Variants in METRN observed in about 807,000 individuals in gnomAD.
METRN encodes meteorin, glial cell differentiation regulator, also known as meteorin.
METRN carries 17 observed loss-of-function variants against 17.4 expected under a neutral mutation model. The ratio of observed to expected loss-of-function variants is 0.98; its 90% CI spans 0.67 to 1.46. The LOEUF (loss-of-function observed/expected upper bound fraction) is 1.46. Among genes scored for constraint, METRN ranks in the 40% most tolerant of loss-of-function variants. The pLI is 0.00. For synonymous variants in METRN, 230 were observed against 210.8 expected, an observed-to-expected ratio of 1.09 and a Z score of -0.79; for missense variants, 489 against 456.2, an observed-to-expected ratio of 1.07 and a Z score of -0.65.
Position 715,703 on chromosome 16 carries a change from G to C in METRN, c.224G>C (p.Arg75Thr), listed in dbSNP as rs2040154580. The C allele has an allele frequency of 2.9e-6, 4 of 1,392,024 alleles. No individual in the cohort carries two copies. Among genetic ancestry groups the C allele is most frequent in the Non-Finnish European group, 3.7e-6 (4 of 1,076,402 alleles). The allele number at this position is 1,392,024 out of a possible 1,614,324, so 86.2% of individuals were successfully genotyped here. A position where few individuals can be genotyped will look rare whatever the true frequency, so the allele number is the denominator to read the frequency against. ...LRLTLGGPDP[R>T]ARPGIACLRP... ...CTGACCCTGGGCGGCCCCGATCCCA[G>C]AGCGCGGCCCGGCATCGCCTGTCTG... is the stretch of plus-strand genomic sequence containing the variant. The change falls in exon 2 of 4, where the codon AGA (arginine) becomes ACA (threonine). Residue 75 changes from arginine (R) to threonine (T), a missense_variant. Coordinates refer to ENST00000568223, the MANE Select transcript of METRN (RefSeq NM_024042.4).
chr16:716,999 G>T lies in METRN; in HGVS notation c.565+7G>T. The T allele has an allele frequency of 6.2e-7, 1 of 1,608,828 alleles. No individual in the cohort carries two copies. Among genetic ancestry groups the T allele is most frequent in the Non-Finnish European group, 8.5e-7 (1 of 1,177,576 alleles). ...GCATGCACCAGCGACTTCGGTGAGTGTCCCCGCCATGGGGGGAGCCTGGAG... is the reference window on the plus strand; with the variant it reads ...GCATGCACCAGCGACTTCGGTGAGTTTCCCCGCCATGGGGGGAGCCTGGAG... On this transcript the variant is annotated splice_region_variant and intron_variant, in intron 3 of 3. Coordinates refer to ENST00000568223, the MANE Select transcript of METRN (RefSeq NM_024042.4).
At position 715,603 on chromosome 16, in the gene METRN, G is replaced by C. The variant is rs947867185; in HGVS notation, c.124G>C (p.Gly42Arg). ...WRGSGLTQEP[G>R]SVGQLALACA... ...CCCCAGCGGCCTCACCCAGGAGCCC[G>C]GCAGCGTGGGGCAGCTGGCCCTGGC... The change falls in exon 2 of 4, where the codon GGC (glycine) becomes CGC (arginine). Residue 42 changes from glycine (G) to arginine (R), a missense_variant. Coordinates refer to ENST00000568223, the MANE Select transcript of METRN (RefSeq NM_024042.4). The C allele has an allele frequency of 2.2e-6, 3 of 1,393,206 alleles. No homozygotes were observed. The highest frequency in any genetic ancestry group is 1.5e-5 in the African/African-American group (1 of 66,282). 86.3% of individuals were successfully genotyped at this position (1,393,206 alleles called of 1,614,324 possible).
chr16:715,206 C>A lies in METRN; in HGVS notation c.-84C>A. ...GGGGCCGGGCGGCCGGCGCCCCCGG[C>A]TGCTCCCGCCGCCGCCCGGACCCGC... On this transcript the variant is annotated 5_prime_UTR_variant, in exon 1 of 4. The change creates a new upstream start codon in the 5' untranslated region. Transcript: ENST00000568223. 1 of 619,926 alleles carries A rather than the reference C, an allele frequency of 1.6e-6. No homozygotes were observed. The allele number at this position is 619,926 out of a possible 1,614,324, so 38.4% of individuals were successfully genotyped here.
Position 715,992 on chromosome 16 carries a change from G to A in METRN, c.505+8G>A. 1.4e-6 allele frequency: 2 copies of A among 1,477,276 alleles called. No individual in the cohort carries two copies. The highest frequency in any genetic ancestry group is 1.8e-6 in the Non-Finnish European group (2 of 1,121,146). The allele number at this position is 1,477,276 out of a possible 1,614,324, so 91.5% of individuals were successfully genotyped here. Reference sequence around the variant, plus strand: ...ACGGTCTCGGCGTAGACGGTGAGTGGCGGTCTGGTTGGGACAGGGTGGGAG... The same window carrying A: ...ACGGTCTCGGCGTAGACGGTGAGTGACGGTCTGGTTGGGACAGGGTGGGAG... On this transcript the variant is annotated splice_region_variant and intron_variant, in intron 2 of 3. Coordinates refer to ENST00000568223, the MANE Select transcript of METRN (RefSeq NM_024042.4).
Position 717,295 on chromosome 16 carries a change from C to G in METRN, c.790C>G (p.Leu264Val). ...CTGGAGCCGCTTTGGGGAGGCCCGG[C>G]TGGGCTGTGCCCCACGATTCCAGGA... ...MGWSRFGEAR[L>V]GCAPRFQEFR... The change falls in exon 4 of 4, where the codon CTG (leucine) becomes GTG (valine). Residue 264 changes from leucine to valine, a missense_variant. By Grantham distance (32) the Leu-to-Val change is conservative. Transcript: ENST00000568223. 3 of 1,530,292 alleles carry G rather than the reference C, an allele frequency of 2.0e-6. No homozygotes were observed. Among genetic ancestry groups the G allele is most frequent in the Non-Finnish European group, 2.6e-6 (3 of 1,140,586 alleles). 94.8% of individuals were successfully genotyped at this position (1,530,292 alleles called of 1,614,324 possible).
rs765203363 is a variant in METRN, at chr16:718,257, A to C, written c.*870A>C. Reference sequence around the variant, plus strand: ...GGGACAGCCACAGCCCAAGGCTCCGAGGCTAAAAGCCCCTGGGTGGGGGTG... The same window carrying C: ...GGGACAGCCACAGCCCAAGGCTCCGCGGCTAAAAGCCCCTGGGTGGGGGTG... On this transcript the variant is annotated 3_prime_UTR_variant, in exon 4 of 4. Coordinates refer to ENST00000568223, the MANE Select transcript of METRN (RefSeq NM_024042.4). 1.3e-5 allele frequency: 2 copies of C among 152,278 alleles called. No individual in the cohort carries two copies. The highest frequency in any genetic ancestry group is 2.9e-5 in the Non-Finnish European group (2 of 68,064). The allele number at this position is 152,278 out of a possible 1,614,324, so 9.4% of individuals were successfully genotyped here. A position where few individuals can be genotyped will look rare whatever the true frequency, so the allele number is the denominator to read the frequency against.
At chr16:716,772 T>C in intron 2 of METRN, 161 bp from the exon 3 acceptor site, 2 of 1,532,176 alleles carry the variant, frequency 1.3e-6, no homozygotes, top group South Asian at 2.4e-5. Context: ...CGTGCACATC[T>C]GCTGTGTAGC....
Position 718,906 on chromosome 16 carries a change from G to A in METRN, c.*1519G>A, listed in dbSNP as rs2040183423. Reference sequence around the variant, plus strand: ...CCCTGACCACTCCCTGGGGCCCATAGCCTTACATCCATCTGCCCCCAGCCC... The same window carrying A: ...CCCTGACCACTCCCTGGGGCCCATAACCTTACATCCATCTGCCCCCAGCCC... On this transcript the variant is annotated 3_prime_UTR_variant, in exon 4 of 4. Transcript: ENST00000568223. The A allele has an allele frequency of 6.6e-6, 1 of 152,432 alleles. No individual in the cohort carries two copies. Among genetic ancestry groups the A allele is most frequent in the Admixed American group, 6.5e-5 (1 of 15,286 alleles). The allele number at this position is 152,432 out of a possible 1,614,324, so 9.4% of individuals were successfully genotyped here. A position where few individuals can be genotyped will look rare whatever the true frequency, so the allele number is the denominator to read the frequency against.
chr16:717,237 C>T lies in METRN; in HGVS notation c.732C>T (p.Val244=). ...TSIRTPLRCG[V]HPGPGTFLFM... is the part of the protein sequence containing the mutation. ...TTCGTACCCCACTGCGCTGTGGCGT[C>T]CACCCGGGCCCAGGCACCTTCCTCT... The change falls in exon 4 of 4, where the codon GTC becomes GTT. Residue 244 remains valine, a synonymous_variant. Transcript: ENST00000568223. The T allele has an allele frequency of 6.3e-7, 1 of 1,576,784 alleles. No homozygotes were observed. The highest frequency in any genetic ancestry group is 1.1e-5 in the South Asian group (1 of 87,354).
At position 717,288 on chromosome 16, in the gene METRN, G is replaced by T; in HGVS notation, c.783G>T (p.Glu261Asp). The T allele has an allele frequency of 6.5e-7, 1 of 1,533,558 alleles. No individual in the cohort carries two copies. 95.0% of individuals were successfully genotyped at this position (1,533,558 alleles called of 1,614,324 possible). A position where few individuals can be genotyped will look rare whatever the true frequency, so the allele number is the denominator to read the frequency against. ...TCATGGGCTGGAGCCGCTTTGGGGA[G>T]GCCCGGCTGGGCTGTGCCCCACGAT... ...FLFMGWSRFG[E>D]ARLGCAPRFQ... Residue 261 changes from glutamate to aspartate, a missense_variant, in exon 4 of 4, where the codon GAG becomes GAT. Coordinates refer to ENST00000568223, the MANE Select transcript of METRN (RefSeq NM_024042.4).
In METRN at chr16:717,678, T is replaced by G; in HGVS notation, c.*291T>G. The G allele has an allele frequency of 1.2e-4, 38 of 321,580 alleles. No individual in the cohort carries two copies. Among genetic ancestry groups the G allele is most frequent in the East Asian group, 2.6e-4 (5 of 19,586 alleles). 19.9% of individuals were successfully genotyped at this position (321,580 alleles called of 1,614,324 possible). A position where few individuals can be genotyped will look rare whatever the true frequency, so the allele number is the denominator to read the frequency against. Reference sequence around the variant, plus strand: ...CCACATTCCGGGGAGGGGCCGCTGCTGGGTGGGGGGCACGTGGGGACCTGC... The same window carrying G: ...CCACATTCCGGGGAGGGGCCGCTGCGGGGTGGGGGGCACGTGGGGACCTGC... On this transcript the variant is annotated 3_prime_UTR_variant, in exon 4 of 4. Coordinates refer to ENST00000568223, the MANE Select transcript of METRN (RefSeq NM_024042.4).
At chr16:716,876 C>T in intron 2 of METRN, 57 bp from the exon 3 acceptor site, 1 of 1,506,462 alleles carries the variant, frequency 6.6e-7, no homozygotes, top group Non-Finnish European at 8.9e-7. Flanking sequence ...GGGACGGGGC[C>T]TGGGGTGATG....
chr16:716,079 G>C lies in METRN; in HGVS notation c.505+95G>C. ...GTGCCTTGTCGGCCCCACTGCAGAAGGAAAAAGTGAGCTACAAGGGTTGGA... is the reference window on the plus strand; with the variant it reads ...GTGCCTTGTCGGCCCCACTGCAGAACGAAAAAGTGAGCTACAAGGGTTGGA... On this transcript the variant is annotated intron_variant, in intron 2 of 3. Transcript: ENST00000568223. The C allele has an allele frequency of 2.2e-6, 3 of 1,338,974 alleles. No homozygotes were observed. The South Asian group carries it at 5.6e-5, about 25-fold the overall frequency. The allele number at this position is 1,338,974 out of a possible 1,614,324, so 82.9% of individuals were successfully genotyped here. A position where few individuals can be genotyped will look rare whatever the true frequency, so the allele number is the denominator to read the frequency against.
rs1250818218 is a variant in METRN at position 716,002 on chromosome 16, T to G, written c.505+18T>G. On this transcript the variant is annotated intron_variant, in intron 2 of 3. Coordinates refer to ENST00000568223, the MANE Select transcript of METRN (RefSeq NM_024042.4). Reference sequence around the variant, plus strand: ...CGTAGACGGTGAGTGGCGGTCTGGTTGGGACAGGGTGGGAGTCCCGAAGTC... The same window carrying G: ...CGTAGACGGTGAGTGGCGGTCTGGTGGGGACAGGGTGGGAGTCCCGAAGTC... 2 of 1,442,532 alleles carry G rather than the reference T, an allele frequency of 1.4e-6. No homozygotes were observed. The highest frequency in any genetic ancestry group is 2.7e-5 in the South Asian group (2 of 73,610). The allele number at this position is 1,442,532 out of a possible 1,614,324, so 89.4% of individuals were successfully genotyped here. A position where few individuals can be genotyped will look rare whatever the true frequency, so the allele number is the denominator to read the frequency against.
rs370614997 is a variant in METRN, at chr16:715,689, C to T, written c.210C>T (p.Gly70=). 2.1e-6 allele frequency: 3 copies of T among 1,403,298 alleles called. No homozygotes were observed. Among genetic ancestry groups the T allele is most frequent in the South Asian group, 3.0e-5 (2 of 67,166 alleles). The allele number at this position is 1,403,298 out of a possible 1,614,324, so 86.9% of individuals were successfully genotyped here. A position where few individuals can be genotyped will look rare whatever the true frequency, so the allele number is the denominator to read the frequency against. The change falls in exon 2 of 4, where the codon GGC becomes GGT. Residue 70 remains glycine, a synonymous_variant. Coordinates refer to ENST00000568223, the MANE Select transcript of METRN (RefSeq NM_024042.4). ...CTGGGGCGCTGCGCCTGACCCTGGG[C>T]GGCCCCGATCCCAGAGCGCGGCCCG... ...YPAGALRLTL[G]GPDPRARPGI...
rs1443815861 is a variant in METRN, at chr16:715,748, C to A, written c.269C>A (p.Ala90Glu). The A allele has an allele frequency of 6.2e-6, 8 of 1,291,806 alleles. No individual in the cohort carries two copies. The highest frequency in any genetic ancestry group is 7.8e-6 in the Non-Finnish European group (8 of 1,024,118). 80.0% of individuals were successfully genotyped at this position (1,291,806 alleles called of 1,614,324 possible). A position where few individuals can be genotyped will look rare whatever the true frequency, so the allele number is the denominator to read the frequency against. The part of the protein sequence containing the change: ...IACLRPVRPF[A>E]GAQVFAERAG... ...TGTCTGCGGCCGGTGCGGCCCTTCGCGGGCGCCCAGGTCTTCGCGGAGCGC... is the reference window on the plus strand; with the variant it reads ...TGTCTGCGGCCGGTGCGGCCCTTCGAGGGCGCCCAGGTCTTCGCGGAGCGC... The change falls in exon 2 of 4, where the codon GCG becomes GAG. Residue 90 changes from alanine to glutamate, a missense_variant. Coordinates refer to ENST00000568223, the MANE Select transcript of METRN (RefSeq NM_024042.4).
Position 717,475 on chromosome 16 carries a change from A to T in METRN, c.*88A>T. 8.1e-7 allele frequency: 1 copy of T among 1,239,356 alleles called. No individual in the cohort carries two copies. Among genetic ancestry groups the T allele is most frequent in the South Asian group, 2.0e-5 (1 of 50,960 alleles). The allele number at this position is 1,239,356 out of a possible 1,614,324, so 76.8% of individuals were successfully genotyped here. ...GGGACTATCAATAAGAACTCTGTTC[A>T]CGCAAGCTGCTGTGGACCTGGTCTC... On this transcript the variant is annotated 3_prime_UTR_variant, in exon 4 of 4. Coordinates refer to ENST00000568223, the MANE Select transcript of METRN (RefSeq NM_024042.4).
At position 718,442 on chromosome 16, in the gene METRN, G is replaced by C. The variant is rs1346191410; in HGVS notation, c.*1055G>C. On this transcript the variant is annotated 3_prime_UTR_variant, in exon 4 of 4. Transcript: ENST00000568223. ...GGCCGGGGTGGGGGTGGAGGCCAGA[G>C]GCCCTGCCCAGGCAGATGAAGCCCC... 1 of 152,326 alleles carries C rather than the reference G, an allele frequency of 6.6e-6. No individual in the cohort carries two copies. Among genetic ancestry groups the C allele is most frequent in the South Asian group, 2.1e-4 (1 of 4,840 alleles). 9.4% of individuals were successfully genotyped at this position (152,326 alleles called of 1,614,324 possible). A position where few individuals can be genotyped will look rare whatever the true frequency, so the allele number is the denominator to read the frequency against.
chr16:717,087 C>A lies in METRN; in HGVS notation c.582C>A (p.Ile194=). The A allele has an allele frequency of 6.2e-7, 1 of 1,609,894 alleles. No homozygotes were observed. Among genetic ancestry groups the A allele is most frequent in the Non-Finnish European group, 8.5e-7 (1 of 1,178,228 alleles). ...CTSDFVIHGI[I]HGVTHDVELQ... is the part of the protein sequence containing the mutation. ...TCCCCACAGTAATTCACGGGATCAT[C>A]CATGGGGTCACCCATGACGTGGAGC... Residue 194 remains isoleucine (I), a synonymous_variant, in exon 4 of 4, where the codon ATC becomes ATA. Transcript: ENST00000568223.
Sources: gnomAD v4.1 joint callset for allele counts on GRCh38, gnomAD v4.1.1 for gene constraint, MANE v1.5 for transcripts, NCBI Gene and HGNC (gene_info 2026-07-23, HGNC 2026-07-21) for gene names.